PLEKHH1: variants seen among roughly 807,000 people sequenced by gnomAD.
PLEKHH1 encodes the protein pleckstrin homology domain-containing family H member 1.
Under a neutral mutation model 160.0 loss-of-function variants are expected in PLEKHH1, and 104 were observed. The ratio of observed to expected loss-of-function variants is 0.65; its 90% confidence interval spans 0.55 to 0.76. PLEKHH1 has a LOEUF of 0.76. PLEKHH1 is among the 30% of genes least tolerant of loss of function. The pLI is 0.00. For synonymous variants in PLEKHH1, 619 were observed against 678.4 expected (o/e 0.91, Z 1.36); for missense variants, 1,427 against 1,724.1 (o/e 0.83, Z 3.05).
At chr14:67,581,150 A>C in intron 23 of PLEKHH1, 112 bp downstream of exon 23, 1 of 698,482 alleles carries the variant, frequency 1.4e-6, no homozygotes, top group Non-Finnish European at 2.6e-6. Flanking sequence ...ACCCACAGAT[A>C]TAACACTGCC....
chr14:67,579,324 GC>G lies in PLEKHH1; in HGVS notation c.3027+14del. On this transcript the variant is annotated intron_variant, in intron 21 of 28. Coordinates refer to ENST00000329153, the MANE Select transcript of PLEKHH1 (RefSeq NM_020715.3). ...CGGGACTTACCATGTGAGGAGCTGG[GC>G]GTGCTCTTTGCCCCGAGTCTTCTCA... 1 of 1,488,640 alleles carries G rather than the reference GC, an allele frequency of 6.7e-7. No individual in the cohort carries two copies. Among genetic ancestry groups the G allele is most frequent in the Non-Finnish European group, 8.9e-7 (1 of 1,119,912 alleles). 92.2% of individuals were successfully genotyped at this position (1,488,640 alleles called of 1,614,324 possible). A position where few individuals can be genotyped will look rare whatever the true frequency, so the allele number is the denominator to read the frequency against.
rs957975922 is a variant in PLEKHH1, at chr14:67,575,038, A to G, written c.2089-354A>G. Among the ~76,000 whole-genome samples, 5 of 152,162 alleles carry G rather than the reference A, an allele frequency of 3.3e-5. No individual in the cohort carries two copies. The East Asian group carries it at 7.7e-4, about 23-fold the overall frequency. ...TTCCTTCATGATGCATGGTTGCCCA[A>G]GGGCTTCAGCCTGCTGTTTTCCCTC... is the stretch of plus-strand genomic sequence containing the variant. On this transcript the variant is annotated intron_variant, in intron 14 of 28. Transcript: ENST00000329153.
chr14:67,572,353 T>C (rs1375928430), intron 11 of PLEKHH1, 76 bp downstream of exon 11: 2 of 1,330,818 alleles, frequency 1.5e-6, no homozygotes, highest in Non-Finnish European at 2.0e-6. Flanking sequence ...GCACAAGACA[T>C]AGGCAGTAGC....
rs922498391 is a variant in PLEKHH1, at chr14:67,574,931, C to T, written c.2089-461C>T. ...CAAAGCGACTTGCACTCAGCAAGCT[C>T]AGGGCTGGCAGGCTCGCTGTGTGGC... is the stretch of plus-strand genomic sequence containing the variant. On this transcript the variant is annotated intron_variant, in intron 14 of 28. Coordinates refer to ENST00000329153, the MANE Select transcript of PLEKHH1 (RefSeq NM_020715.3). This position sits in a 1 kb window ranked among gnomAD's most constrained non-coding sequence, Gnocchi z 4.2. Among the ~76,000 whole-genome samples the T allele has an allele frequency of 2.0e-5, 3 of 152,176 alleles. No individual in the cohort carries two copies. The highest frequency in any genetic ancestry group is 7.2e-5 in the African/African-American group (3 of 41,442).
chr14:67,580,867 C>G, intron 22 of PLEKHH1, 71 bp from the exon 23 acceptor site: 1 of 989,304 alleles, frequency 1.0e-6, no homozygotes, highest in Non-Finnish European at 1.6e-6. Flanking sequence ...CTGAGTCCAG[C>G]CCTGGCTGGA....
At chr14:67,561,129 A>G (rs2034819200) in intron 5 of PLEKHH1, among the ~76,000 whole-genome samples, 1 of 152,176 alleles carries the variant, frequency 6.6e-6, no homozygotes, top group Non-Finnish European at 1.5e-5. Context: ...TTGGATGTAC[A>G]TCTCAGGTCA....
In PLEKHH1 at chr14:67,557,409, G is replaced by T; in HGVS notation, c.330G>T (p.Leu110=). The T allele has an allele frequency of 6.2e-7, 1 of 1,613,172 alleles. No homozygotes were observed. Among genetic ancestry groups the T allele is most frequent in the Non-Finnish European group, 8.5e-7 (1 of 1,179,758 alleles). The change falls in exon 4 of 29, where the codon CTG becomes CTT. Residue 110 remains leucine, a synonymous_variant. Coordinates refer to ENST00000329153, the MANE Select transcript of PLEKHH1 (RefSeq NM_020715.3). The part of the protein sequence containing the change: ...DELISQLEAQ[L]EKQKQMRAEE... ...TCATCAGCCAGCTAGAGGCTCAGCT[G>T]GAGAAGCAGGTAAGGGCTCATGCGC...
chr14:67,569,030 C>T (rs1292444112), intron 7 of PLEKHH1, 108 bp from the exon 8 acceptor site: 5 of 677,432 alleles, frequency 7.4e-6, no homozygotes, highest in Non-Finnish European at 1.3e-5. Flanking sequence ...GTCACTGCCC[C>T]CCACAGGTCT....
chr14:67,573,846 C>A lies in PLEKHH1; in HGVS notation c.1885C>A (p.Arg629Ser), dbSNP rs757858671. 6.2e-7 allele frequency: 1 copy of A among 1,613,628 alleles called. No homozygotes were observed. The highest frequency in any genetic ancestry group is 8.5e-7 in the Non-Finnish European group (1 of 1,179,696). Residue 629 changes from arginine to serine, a missense_variant, in exon 13 of 29, where the codon CGC becomes AGC. By Grantham distance (110) the Arg-to-Ser change is moderately radical. Around this residue, in one of 6 missense-constraint regions of PLEKHH1, gnomAD observed 831 missense variants for 929.2 expected, o/e 0.89. Transcript: ENST00000329153. The surrounding 1 kb of genome is among the most constrained non-coding windows in gnomAD (Gnocchi z 4.8). ...KPQGQVDLNSRCQIVRGEGSQ... is the reference protein window; with the variant it reads ...KPQGQVDLNSSCQIVRGEGSQ... Reference sequence around the variant, plus strand: ...TCAAGGCCAAGTGGATCTGAACTCCCGCTGCCAAATTGTTCGAGGGGAGGG... The same window carrying A: ...TCAAGGCCAAGTGGATCTGAACTCCAGCTGCCAAATTGTTCGAGGGGAGGG...
chr14:67,569,918 C>A lies in PLEKHH1; in HGVS notation c.1343-3C>A, dbSNP rs2035290233. 5 of 1,596,818 alleles carry A rather than the reference C, an allele frequency of 3.1e-6. 1 individual carries two copies. Among genetic ancestry groups the A allele is most frequent in the Non-Finnish European group, 4.3e-6 (5 of 1,167,146 alleles). On this transcript the variant is annotated splice_region_variant and splice_polypyrimidine_tract_variant and intron_variant, in intron 8 of 28. Coordinates refer to ENST00000329153, the MANE Select transcript of PLEKHH1 (RefSeq NM_020715.3). ...TAATCTCATTCCTCTCTTCCCTGCT[C>A]AGCTTCAAGCCCTCCTGCCCTTGTT...
In PLEKHH1 at chr14:67,582,710, G is replaced by A. The variant is rs1463235191; in HGVS notation, c.3426+500G>A. On this transcript the variant is annotated intron_variant, in intron 24 of 28. Transcript: ENST00000329153. The surrounding 1 kb of genome is among the most constrained non-coding windows in gnomAD (Gnocchi z 5.0). Reference sequence around the variant, plus strand: ...AAATTAGCTGGGTGTGGTGGTGGGCGCCTGTAATCCCAGCTACTCGGCAGG... The same window carrying A: ...AAATTAGCTGGGTGTGGTGGTGGGCACCTGTAATCCCAGCTACTCGGCAGG... 3.3e-5 allele frequency among the ~76,000 whole-genome samples: 5 copies of A among 152,042 alleles called. No homozygotes were observed. The highest frequency in any genetic ancestry group is 1.3e-4 in the Admixed American group (2 of 15,252).
chr14:67,551,172 G>A (rs2034376528), intron 2 of PLEKHH1, among the ~76,000 whole-genome samples: 1 of 152,180 alleles, frequency 6.6e-6, no homozygotes, highest in Non-Finnish European at 1.5e-5. Context: ...CATTCTTTCT[G>A]TAGGTGAATC....
At chr14:67,540,224 G>A (rs1000090398) in intron 1 of PLEKHH1, among the ~76,000 whole-genome samples, 4 of 152,068 alleles carry the variant, frequency 2.6e-5, no homozygotes, top group African/African-American at 9.7e-5. Flanking sequence ...ATCCTATTTC[G>A]TATATCTCCT....
At chr14:67,568,456 G>A (rs545851168) in intron 7 of PLEKHH1, among the ~76,000 whole-genome samples, 10 of 152,188 alleles carry the variant, frequency 6.6e-5, no homozygotes, top group South Asian at 2.1e-4. Flanking sequence ...GGATGGTGGC[G>A]GTGGGGGAGT....
chr14:67,586,512 C>A, intron 28 of PLEKHH1: 1 of 813,782 alleles, frequency 1.2e-6, no homozygotes, highest in Non-Finnish European at 1.8e-6. Flanking sequence ...CAAAGTGGGA[C>A]AGTCCCACAG....
In PLEKHH1 at chr14:67,582,570, G is replaced by A. The variant is rs377291501; in HGVS notation, c.3426+360G>A. Among the ~76,000 whole-genome samples, 1 of 152,146 alleles carries A rather than the reference G, an allele frequency of 6.6e-6. No homozygotes were observed. The highest frequency in any genetic ancestry group is 2.1e-4 in the South Asian group (1 of 4,830). On this transcript the variant is annotated intron_variant, in intron 24 of 28. Coordinates refer to ENST00000329153, the MANE Select transcript of PLEKHH1 (RefSeq NM_020715.3). This position sits in a 1 kb window ranked among gnomAD's most constrained non-coding sequence, Gnocchi z 5.0. The stretch of plus-strand genomic sequence containing the variant: ...GCAGTGGCTCATGCCTGTAATGTCA[G>A]CACTTTGCGAGGCCGAGGCGGGCAG...
intron 10 of PLEKHH1, 72 bp downstream of exon 10, chr14:67,571,974 C>T (rs1435539514): frequency 1.2e-5 from 19 of 1,529,560 alleles, no homozygotes; most frequent in Non-Finnish European, 1.6e-5. Context: ...GGCACTTGAA[C>T]ATGGGCGTCC....
chr14:67,557,853 G>T (rs1371918208), intron 4 of PLEKHH1, among the ~76,000 whole-genome samples: 5 of 152,218 alleles, frequency 3.3e-5, no homozygotes, highest in Admixed American at 2.6e-4. Context: ...CTCCATTCTG[G>T]CCTTGTCGTG....
chr14:67,578,943 T>A lies in PLEKHH1; in HGVS notation c.2850-191T>A, dbSNP rs2035758716. On this transcript the variant is annotated intron_variant, in intron 20 of 28. Coordinates refer to ENST00000329153, the MANE Select transcript of PLEKHH1 (RefSeq NM_020715.3). This position sits in a 1 kb window ranked among gnomAD's most constrained non-coding sequence, Gnocchi z 5.0. Reference sequence around the variant, plus strand: ...GTCCTCTGGGTTCTAGAAGAAAATATCCATGCCAGCAACCTGCTATATAAA... The same window carrying A: ...GTCCTCTGGGTTCTAGAAGAAAATAACCATGCCAGCAACCTGCTATATAAA... Among the ~76,000 whole-genome samples, 3 of 152,170 alleles carry A rather than the reference T, an allele frequency of 2.0e-5. No individual in the cohort carries two copies. Among genetic ancestry groups the A allele is most frequent in the Non-Finnish European group, 4.4e-5 (3 of 68,030 alleles).
Sources: gnomAD v4.1 joint callset for allele counts (sites outside exome capture counted in the v4.1 genomes callset) on GRCh38, gnomAD v4.1.1 for gene constraint, gnomAD v4.1.1 regional missense constraint, Gnocchi (gnomAD v3.1) non-coding constraint, MANE v1.5 for transcripts, NCBI Gene and HGNC (gene_info 2026-07-23, HGNC 2026-07-21) for gene names.